Variants in FAM184B observed in about 807,000 individuals in gnomAD.
FAM184B encodes the protein family with sequence similarity 184 member B.
Under a neutral mutation model 135.9 loss-of-function variants are expected in FAM184B, and 111 were observed. The observed-to-expected ratio is 0.82, with a 90% confidence interval of 0.70 to 0.96. The LOEUF (loss-of-function observed/expected upper bound fraction) is 0.96, where lower values mean the gene tolerates loss of function less well. Ranked by LOEUF, FAM184B falls within the 40% of genes least tolerant of loss-of-function variation. The pLI is 0.00. For missense variants in FAM184B, 1,375 were observed against 1,323.9 expected, an observed-to-expected ratio of 1.04 and a Z score of -0.60; for synonymous variants, 552 against 524.8, an observed-to-expected ratio of 1.05 and a Z score of -0.71.
chr4:17,638,229 C>G (rs1470599247), intron 14 of FAM184B, among the ~76,000 whole-genome samples: 1 of 145,466 alleles, frequency 6.9e-6, no homozygotes, highest in Non-Finnish European at 1.5e-5. Context: ...CTCTCTGTAG[C>G]CCAGGCTGGA....
chr4:17,720,723 T>C (rs1435668342), intron 1 of FAM184B, among the ~76,000 whole-genome samples: 1 of 151,344 alleles, frequency 6.6e-6, no homozygotes, highest in African/African-American at 2.4e-5. Flanking sequence ...CCGTCTCTAC[T>C]AAAAATGCAA....
intron 2 of FAM184B, 23 bp from the exon 3 acceptor site, chr4:17,707,807 A>G: frequency 6.4e-7 from 1 of 1,551,682 alleles, no homozygotes. Flanking sequence ...GAAGGGTCCC[A>G]TTTCTCTGGT....
chr4:17,638,110 G>A (rs185508395), intron 14 of FAM184B, among the ~76,000 whole-genome samples: 1,511 of 138,104 alleles, frequency 0.011, 29 homozygotes, highest in African/African-American at 0.034. Flanking sequence ...CACTTTCACC[G>A]CCTGGTATGA....
In FAM184B at chr4:17,682,641, G is replaced by C. The variant is rs368079848; in HGVS notation, c.1596+5783C>G. On this transcript the variant is annotated intron_variant, in intron 7 of 17. Coordinates refer to ENST00000265018, the MANE Select transcript of FAM184B (RefSeq NM_015688.2). ...AGTCTCCCATGCAGCTGGGACTACAGGCGTGTGCCACCATGCCCAGCTAAT... is the reference window on the plus strand; with the variant it reads ...AGTCTCCCATGCAGCTGGGACTACACGCGTGTGCCACCATGCCCAGCTAAT... Among the ~76,000 whole-genome samples, 155 of 152,250 alleles carry C rather than the reference G, an allele frequency of 1.0e-3. 2 individuals are homozygous for C. In the South Asian group the frequency reaches 0.021, roughly 21 times the overall value.
intron 1 of FAM184B, among the ~76,000 whole-genome samples, chr4:17,755,826 C>T (rs915163478): frequency 2.6e-5 from 4 of 152,314 alleles, no homozygotes; most frequent in East Asian, 1.9e-4. Context: ...CCAAACACCA[C>T]ATGTTCTCAC....
At chr4:17,747,920 CA>C (rs71167333) in intron 1 of FAM184B, among the ~76,000 whole-genome samples, 884 of 21,632 alleles carry the variant, frequency 0.041, 4 homozygotes, top group East Asian at 0.14. Flanking sequence ...GACTCTGTCT[CA>C]AAAAAAAAAA....
intron 1 of FAM184B, among the ~76,000 whole-genome samples, chr4:17,772,715 C>T (rs555395864): frequency 6.6e-6 from 1 of 152,326 alleles, no homozygotes; most frequent in South Asian, 2.1e-4. Context: ...ACCAAACTAT[C>T]ACCGTTTTAT....
chr4:17,701,296 T>C (rs1716981095), intron 5 of FAM184B, among the ~76,000 whole-genome samples: 2 of 152,224 alleles, frequency 1.3e-5, no homozygotes. Flanking sequence ...TGTATATTCT[T>C]TTATACACAT....
chr4:17,747,068 A>G (rs1383568505), intron 1 of FAM184B, among the ~76,000 whole-genome samples: 2 of 149,328 alleles, frequency 1.3e-5, no homozygotes, highest in Non-Finnish European at 3.0e-5. Context: ...AAAAAAGTAG[A>G]TTCCTGGATT....
At chr4:17,734,517 A>G (rs1441294707) in intron 1 of FAM184B, among the ~76,000 whole-genome samples, 21 of 152,276 alleles carry the variant, frequency 1.4e-4, no homozygotes, top group East Asian at 3.9e-4. Context: ...AAAAGTGGGC[A>G]AAGGATATGA....
chr4:17,666,171 C>T (rs1345603533), intron 7 of FAM184B, among the ~76,000 whole-genome samples: 1 of 152,096 alleles, frequency 6.6e-6, no homozygotes, highest in Non-Finnish European at 1.5e-5. Context: ...AGATCTTTTA[C>T]TTATTAACGA....
In FAM184B at chr4:17,713,576, T is replaced by G. The variant is rs182876016; in HGVS notation, c.142-3932A>C. The stretch of plus-strand genomic sequence containing the variant: ...GCCTAGCACAGGGATAGGTGCTATA[T>G]ACACATTCACAATCTCAGAGGATCC... On this transcript the variant is annotated intron_variant, in intron 1 of 17. Coordinates refer to ENST00000265018, the MANE Select transcript of FAM184B (RefSeq NM_015688.2). Among the ~76,000 whole-genome samples, 252 of 152,386 alleles carry G rather than the reference T, an allele frequency of 1.7e-3. 1 individual carries two copies. Among genetic ancestry groups the G allele is most frequent in the Non-Finnish European group, 2.8e-3 (188 of 68,038 alleles).
chr4:17,664,063 GGT>G (rs770686272), intron 8 of FAM184B, among the ~76,000 whole-genome samples: 1 of 152,012 alleles, frequency 6.6e-6, no homozygotes, highest in South Asian at 2.1e-4. Flanking sequence ...TCTTTATAGC[GGT>G]GTGGAAACGA....
At chr4:17,729,584 G>T (rs1017501320) in intron 1 of FAM184B, among the ~76,000 whole-genome samples, 16 of 152,256 alleles carry the variant, frequency 1.1e-4, no homozygotes, top group African/African-American at 3.9e-4. Flanking sequence ...AGCATTTGCG[G>T]TTCACCAAGA....
chr4:17,716,339 G>A (rs947471799), intron 1 of FAM184B, among the ~76,000 whole-genome samples: 1 of 151,746 alleles, frequency 6.6e-6, no homozygotes, highest in Non-Finnish European at 1.5e-5. Flanking sequence ...TCCTCTCCCA[G>A]GTTTTTTTGT....
At chr4:17,703,929 CA>C (rs11430688) in intron 5 of FAM184B, among the ~76,000 whole-genome samples, 82 of 139,930 alleles carry the variant, frequency 5.9e-4, no homozygotes, top group East Asian at 8.9e-4. Flanking sequence ...GACTCCGTTT[CA>C]AAAAAAAAAA....
intron 5 of FAM184B, among the ~76,000 whole-genome samples, chr4:17,696,342 G>T (rs1327550884): frequency 6.6e-6 from 1 of 152,176 alleles, no homozygotes; most frequent in Non-Finnish European, 1.5e-5. Flanking sequence ...TGAGTACAGA[G>T]GTTGTCATGT....
chr4:17,781,357 CGT>C lies in FAM184B; in HGVS notation c.-60_-59del. On this transcript the variant is annotated 5_prime_UTR_variant, in exon 1 of 18. Transcript: ENST00000265018. This position sits in a 1 kb window ranked among gnomAD's most constrained non-coding sequence, Gnocchi z 6.5. ...GTTTTCTCCCTGCCCACCGTGTGCACGTGCGTGCGCGCGCGGGCGTGCGAGCG... is the reference window on the plus strand; with the variant it reads ...GTTTTCTCCCTGCCCACCGTGTGCACGCGTGCGCGCGCGGGCGTGCGAGCG... 7.0e-7 allele frequency: 1 copy of C among 1,429,536 alleles called. No homozygotes were observed. The highest frequency in any genetic ancestry group is 9.2e-7 in the Non-Finnish European group (1 of 1,085,018). The allele number at this position is 1,429,536 out of a possible 1,614,324, so 88.6% of individuals were successfully genotyped here.
Position 17,642,219 on chromosome 4 carries a change from C to T in FAM184B, c.2356G>A (p.Gly786Ser). 2.7e-6 allele frequency: 4 copies of T among 1,495,338 alleles called. No homozygotes were observed. The highest frequency in any genetic ancestry group is 3.5e-6 in the Non-Finnish European group (4 of 1,132,276). 92.6% of individuals were successfully genotyped at this position (1,495,338 alleles called of 1,614,324 possible). Residue 786 changes from glycine to serine, a missense_variant, in exon 13 of 18, where the codon GGC becomes AGC. Gly to Ser is a moderately conservative substitution (Grantham distance 56). Transcript: ENST00000265018. ...DHIIATEERGGPGQAGSPPGA... is the reference protein window; with the variant it reads ...DHIIATEERGSPGQAGSPPGA... Reference sequence around the variant, plus strand: ...GGTGGGGAGCCGGCCTGGCCCGGGCCGCCCCGCTCCTGAGGAAGGCAACCA... The same window carrying T: ...GGTGGGGAGCCGGCCTGGCCCGGGCTGCCCCGCTCCTGAGGAAGGCAACCA...
Sources: allele counts gnomAD v4.1 joint callset (sites outside exome capture counted in the v4.1 genomes callset), GRCh38; gene constraint gnomAD v4.1.1; non-coding constraint Gnocchi (gnomAD v3.1); transcripts MANE v1.5; gene names NCBI Gene and HGNC (gene_info 2026-07-23, HGNC 2026-07-21).